Variants in TSPAN9 observed in about 807,000 individuals in gnomAD.
TSPAN9 encodes tetraspanin-9.
A neutral mutation model predicts 31.0 loss-of-function variants in TSPAN9; 16 were observed. The ratio of observed to expected loss-of-function variants is 0.52; its 90% CI spans 0.35 to 0.78. TSPAN9 has a LOEUF of 0.78. TSPAN9 is among the 30% of genes least tolerant of loss of function. The pLI is 0.01. For synonymous variants in TSPAN9, 145 were observed against 121.6 expected, an observed-to-expected ratio of 1.19 and a Z score of -1.27; for missense variants, 272 against 312.5, an observed-to-expected ratio of 0.87 and a Z score of 0.98.
chr12:3,118,629 G>A (rs1052000337), intron 2 of TSPAN9, among the ~76,000 whole-genome samples: 2 of 151,964 alleles, frequency 1.3e-5, no homozygotes, highest in Admixed American at 1.3e-4. Context: ...CAAACATGGG[G>A]AAACATTCCT....
Position 3,252,169 on chromosome 12 carries a change from C to T in TSPAN9, c.64-26252C>T, listed in dbSNP as rs138928558. On this transcript the variant is annotated intron_variant, in intron 3 of 8. Transcript: ENST00000011898. Reference sequence around the variant, plus strand: ...TGCATACCTCCATGTTCAGAGTTGCCGTGTCCCTCAAGTTCTCTAAGACCA... The same window carrying T: ...TGCATACCTCCATGTTCAGAGTTGCTGTGTCCCTCAAGTTCTCTAAGACCA... 4.5e-4 allele frequency among the ~76,000 whole-genome samples: 68 copies of T among 152,306 alleles called. 1 individual carries two copies. The East Asian group carries it at 0.012, about 28-fold the overall frequency.
At position 3,191,520 on chromosome 12, in the gene TSPAN9, G is replaced by C. The variant is rs937256608; in HGVS notation, c.-17-9657G>C. On this transcript the variant is annotated intron_variant, in intron 2 of 8. Transcript: ENST00000011898. ...CTTGTTTTGTAGTTGAGGAACCAGA[G>C]GTTGAGCAACTAGAGGCCACACAGG... Among the ~76,000 whole-genome samples, 79 of 152,176 alleles carry C rather than the reference G, an allele frequency of 5.2e-4. 1 individual carries two copies. Among genetic ancestry groups the C allele is most frequent in the Admixed American group, 5.2e-3 (79 of 15,282 alleles).
intron 2 of TSPAN9, among the ~76,000 whole-genome samples, chr12:3,199,388 C>A (rs1020367927): frequency 1.3e-5 from 2 of 152,252 alleles, no homozygotes; most frequent in Non-Finnish European, 2.9e-5. Context: ...TTCTAATCCT[C>A]ATCATTTGCA....
intron 3 of TSPAN9, among the ~76,000 whole-genome samples, chr12:3,212,775 G>A (rs1328744269): frequency 1.3e-5 from 2 of 152,228 alleles, no homozygotes; most frequent in African/African-American, 2.4e-5. Context: ...CCTAGCAAGG[G>A]GGGCCTAGTG....
At chr12:3,200,910 A>C in intron 2 of TSPAN9, 5 of 352,528 alleles carry the variant, frequency 1.4e-5, no homozygotes, top group East Asian at 6.0e-5. Flanking sequence ...CCCCCCGGGA[A>C]CGCCGCGAGC....
chr12:3,197,350 G>A (rs780586042), intron 2 of TSPAN9, among the ~76,000 whole-genome samples: 11 of 152,150 alleles, frequency 7.2e-5, no homozygotes, highest in African/African-American at 2.7e-4. Context: ...AGCCATGCCA[G>A]TCAGGCAGCC....
chr12:3,132,700 C>T (rs932783223), intron 2 of TSPAN9, among the ~76,000 whole-genome samples: 1 of 152,210 alleles, frequency 6.6e-6, no homozygotes, highest in African/African-American at 2.4e-5. Context: ...GTGGACGACT[C>T]CCACTTCCCT....
rs1591673487 is a variant in TSPAN9, at chr12:3,201,003, C to T, written c.-17-174C>T. 9.9e-6 allele frequency: 6 copies of T among 604,510 alleles called. No individual in the cohort carries two copies. The East Asian group carries it at 1.7e-4, about 17-fold the overall frequency. 37.4% of individuals were successfully genotyped at this position (604,510 alleles called of 1,614,324 possible). A position where few individuals can be genotyped will look rare whatever the true frequency, so the allele number is the denominator to read the frequency against. ...AAGGACTCGGACTTTGCCAAGCCGTCCACCTCCGGCCGCCCGTTCGGCCGC... is the reference window on the plus strand; with the variant it reads ...AAGGACTCGGACTTTGCCAAGCCGTTCACCTCCGGCCGCCCGTTCGGCCGC... On this transcript the variant is annotated intron_variant, in intron 2 of 8. Transcript: ENST00000011898.
At position 3,107,656 on chromosome 12, in the gene TSPAN9, A is replaced by G. The variant is rs1328918618; in HGVS notation, c.-18+23937A>G. On this transcript the variant is annotated intron_variant, in intron 2 of 8. Coordinates refer to ENST00000011898, the MANE Select transcript of TSPAN9 (RefSeq NM_006675.5). The surrounding 1 kb of genome is among the most constrained non-coding windows in gnomAD (Gnocchi z 4.1). ...CCTGTGGGACTGCCAAGCTGCTGCA[A>G]GGACCTTTAGGTCACGCCCAGAGAC... 1.3e-5 allele frequency among the ~76,000 whole-genome samples: 2 copies of G among 152,218 alleles called. No homozygotes were observed. The highest frequency in any genetic ancestry group is 2.1e-4 in the South Asian group (1 of 4,834).
intron 3 of TSPAN9, among the ~76,000 whole-genome samples, chr12:3,259,417 C>G (rs1322370866): frequency 6.6e-6 from 1 of 152,210 alleles, no homozygotes; most frequent in Non-Finnish European, 1.5e-5. Context: ...TCCTCCCTCC[C>G]TCCATCCCTC....
In TSPAN9 at chr12:3,226,775, TATATATA is replaced by T. The variant is rs2098387884; in HGVS notation, c.63+25520_63+25526del. On this transcript the variant is annotated intron_variant, in intron 3 of 8. Transcript: ENST00000011898. ...ATATATATATATATATATATATATA[TATATATA>T]TATATATATATATTTTTTTTTTTTT... Among the ~76,000 whole-genome samples the T allele has an allele frequency of 1.5e-3, 9 of 6,160 alleles. 1 individual carries two copies. The highest frequency in any genetic ancestry group is 1.9e-3 in the Admixed American group (1 of 528). The allele number at this position is 6,160 out of a possible 152,430, so 4.0% of individuals were successfully genotyped here.
chr12:3,183,302 C>T (rs4765717), intron 2 of TSPAN9, among the ~76,000 whole-genome samples: 74,861 of 152,086 alleles, frequency 0.49, 19,084 homozygotes, highest in South Asian at 0.61. Context: ...GATCTGTCCC[C>T]TCTCAAAGTG....
At position 3,098,458 on chromosome 12, in the gene TSPAN9, A is replaced by T. The variant is rs1431368220; in HGVS notation, c.-18+14739A>T. Among the ~76,000 whole-genome samples the T allele has an allele frequency of 2.0e-5, 3 of 152,152 alleles. No individual in the cohort carries two copies. In the East Asian group the frequency reaches 5.8e-4, roughly 29 times the overall value. The stretch of plus-strand genomic sequence containing the variant: ...TAGGAAAACTGCCAAATTTGCCTTT[A>T]GGTTCAGAAAATCAGTTGCACCTGT... On this transcript the variant is annotated intron_variant, in intron 2 of 8. Coordinates refer to ENST00000011898, the MANE Select transcript of TSPAN9 (RefSeq NM_006675.5).
intron 2 of TSPAN9, among the ~76,000 whole-genome samples, chr12:3,199,729 G>A (rs2098370099): frequency 6.6e-6 from 1 of 152,164 alleles, no homozygotes; most frequent in African/African-American, 2.4e-5. Flanking sequence ...GTGCGCGCCC[G>A]TGCGTGCGCG....
chr12:3,229,021 C>G (rs774148992), intron 3 of TSPAN9, among the ~76,000 whole-genome samples: 1 of 152,226 alleles, frequency 6.6e-6, no homozygotes, highest in Admixed American at 6.5e-5. Context: ...ATTTAGCCCT[C>G]CCAGGTCATC....
chr12:3,260,539 CAT>C (rs1174889778), intron 3 of TSPAN9, among the ~76,000 whole-genome samples: 1 of 152,224 alleles, frequency 6.6e-6, no homozygotes, highest in Admixed American at 6.5e-5. Flanking sequence ...TCTGTGAAAA[CAT>C]AGTTCAGCTC....
At chr12:3,106,929 C>T (rs1328861276) in intron 2 of TSPAN9, among the ~76,000 whole-genome samples, 1 of 152,162 alleles carries the variant, frequency 6.6e-6, no homozygotes, top group Non-Finnish European at 1.5e-5. Context: ...GGCTGCAGAG[C>T]TCTTGGGGCC....
At chr12:3,159,771 A>C (rs1328440719) in intron 2 of TSPAN9, among the ~76,000 whole-genome samples, 1 of 152,226 alleles carries the variant, frequency 6.6e-6, no homozygotes, top group Non-Finnish European at 1.5e-5. Context: ...AGACAACGTG[A>C]AGACGTAGGG....
Position 3,171,874 on chromosome 12 carries a change from C to T in TSPAN9, c.-17-29303C>T, listed in dbSNP as rs1168050628. 2.6e-5 allele frequency: 4 copies of T among 152,188 alleles called. No homozygotes were observed. In the East Asian group the frequency reaches 5.8e-4, roughly 22 times the overall value. The allele number at this position is 152,188 out of a possible 1,614,324, so 9.4% of individuals were successfully genotyped here. Reference sequence around the variant, plus strand: ...GTTTCTTCCGTGTGTCACGTTCTCCCTGTGTCTGCATCCAGAGTGGCCGCA... The same window carrying T: ...GTTTCTTCCGTGTGTCACGTTCTCCTTGTGTCTGCATCCAGAGTGGCCGCA... On this transcript the variant is annotated intron_variant, in intron 2 of 8. Coordinates refer to ENST00000011898, the MANE Select transcript of TSPAN9 (RefSeq NM_006675.5).
Sources: allele counts gnomAD v4.1 joint callset (sites outside exome capture counted in the v4.1 genomes callset), GRCh38; gene constraint gnomAD v4.1.1; non-coding constraint Gnocchi (gnomAD v3.1); transcripts MANE v1.5; gene names NCBI Gene and HGNC (gene_info 2026-07-23, HGNC 2026-07-21).